SNTA1: variants seen among roughly 807,000 people sequenced by gnomAD.
SNTA1 encodes the protein alpha-1-syntrophin.
A neutral mutation model predicts 47.1 loss-of-function variants in SNTA1; 31 were observed. That is an observed-to-expected ratio of 0.66 (90% CI 0.49 to 0.89). SNTA1 has a LOEUF of 0.89. SNTA1 is among the 40% of genes least tolerant of loss of function. The pLI is 0.00. For missense variants in SNTA1, 575 were observed against 693.0 expected, an observed-to-expected ratio of 0.83 and a Z score of 1.91; for synonymous variants, 300 against 313.6, an observed-to-expected ratio of 0.96 and a Z score of 0.46.
In SNTA1 at chr20:33,443,713, G is replaced by C; in HGVS notation, c.-93C>G. The C allele has an allele frequency of 1.3e-6, 1 of 783,262 alleles. No individual in the cohort carries two copies. The highest frequency in any genetic ancestry group is 1.6e-6 in the Non-Finnish European group (1 of 613,614). 48.5% of individuals were successfully genotyped at this position (783,262 alleles called of 1,614,324 possible). On this transcript the variant is annotated 5_prime_UTR_variant, in exon 1 of 8. Coordinates refer to ENST00000217381, the MANE Select transcript of SNTA1 (RefSeq NM_003098.3). ...GCGCCCAGGGCAGAGGGCAGCGGGG[G>C]CCCGGCTGGGCCAGCCGCCACCCTA... is the stretch of plus-strand genomic sequence containing the variant.
chr20:33,409,756 G>A (rs899123775), intron 6 of SNTA1, among the ~76,000 whole-genome samples: 8 of 151,598 alleles, frequency 5.3e-5, no homozygotes, highest in South Asian at 2.1e-4. Flanking sequence ...TCAGCCTCCC[G>A]AGTAGCTAGG....
chr20:33,442,286 C>T lies in SNTA1; in HGVS notation c.310+1025G>A, dbSNP rs374018670. 1.1e-4 allele frequency among the ~76,000 whole-genome samples: 16 copies of T among 152,226 alleles called. No homozygotes were observed. In the East Asian group the frequency reaches 1.5e-3, roughly 15 times the overall value. ...GGTCTGGAGGCACTAGTCAACAGAA[C>T]CAGTACCAGGGAGACCCCAGAGGGT... On this transcript the variant is annotated intron_variant, in intron 1 of 7. Transcript: ENST00000217381.
intron 6 of SNTA1, 103 bp downstream of exon 6, chr20:33,410,032 A>G: frequency 2.4e-6 from 3 of 1,261,364 alleles, no homozygotes; most frequent in South Asian, 2.5e-5. Flanking sequence ...TCCAAACCCC[A>G]TTTTCTATCC....
intron 2 of SNTA1, 86 bp downstream of exon 2, chr20:33,438,755 T>TG (rs1990503964): frequency 1.8e-6 from 2 of 1,132,150 alleles, no homozygotes; most frequent in East Asian, 4.7e-5. Context: ...AGTGCTGGGA[T>TG]GGGGCCTTCT....
intron 2 of SNTA1, among the ~76,000 whole-genome samples, chr20:33,425,482 G>A (rs773049453): frequency 4.6e-5 from 7 of 151,862 alleles, no homozygotes; most frequent in East Asian, 2.0e-4. Flanking sequence ...GCAACATAGC[G>A]AAACCCCATC....
In SNTA1 at chr20:33,417,843, A is replaced by G. The variant is rs1212907907; in HGVS notation, c.577T>C (p.Ser193Pro). 1.9e-6 allele frequency: 3 copies of G among 1,613,776 alleles called. No individual in the cohort carries two copies. Among genetic ancestry groups the G allele is most frequent in the Non-Finnish European group, 2.5e-6 (3 of 1,179,828 alleles). The change falls in exon 3 of 8, where the codon TCA becomes CCA. Residue 193 changes from serine (S) to proline (P), a missense_variant. Physicochemically the swap from Ser to Pro is moderately conservative, Grantham distance 74. Coordinates refer to ENST00000217381, the MANE Select transcript of SNTA1 (RefSeq NM_003098.3). The part of the protein sequence containing the change: ...TSVGWDSPPA[S>P]PLQRQPSSPG... ...GAGGAAGGCTGCCGCTGAAGGGGTGAGGCAGGAGGTGAGTCCCAGCCGACC... is the reference window on the plus strand; with the variant it reads ...GAGGAAGGCTGCCGCTGAAGGGGTGGGGCAGGAGGTGAGTCCCAGCCGACC...
intron 2 of SNTA1, among the ~76,000 whole-genome samples, chr20:33,433,854 T>C (rs1029527315): frequency 1.3e-5 from 2 of 152,108 alleles, no homozygotes; most frequent in African/African-American, 2.4e-5. Context: ...CCTGACCTAG[T>C]AGAAGAAATG....
intron 2 of SNTA1, among the ~76,000 whole-genome samples, chr20:33,433,441 A>G (rs550610220): frequency 6.6e-6 from 1 of 150,846 alleles, no homozygotes; most frequent in East Asian, 2.0e-4. Context: ...ATTTTTGTAT[A>G]TTATTAGTAG....
At chr20:33,438,436 C>A (rs967177980) in intron 2 of SNTA1, among the ~76,000 whole-genome samples, 1 of 152,168 alleles carries the variant, frequency 6.6e-6, no homozygotes, top group African/African-American at 2.4e-5. Flanking sequence ...TGACCTGCCC[C>A]TTCCCCAGTC....
intron 4 of SNTA1, 64 bp from the exon 5 acceptor site, chr20:33,412,490 G>A: frequency 6.2e-7 from 1 of 1,603,964 alleles, no homozygotes; most frequent in Non-Finnish European, 8.5e-7. Context: ...CCAGGGCAGG[G>A]TGAGGTGGCC....
chr20:33,435,147 T>C (rs1031817154), intron 2 of SNTA1, among the ~76,000 whole-genome samples: 17 of 150,662 alleles, frequency 1.1e-4, no homozygotes, highest in Admixed American at 6.6e-5. Flanking sequence ...CGCGCCACCA[T>C]GGCTCAGCTA....
intron 2 of SNTA1, among the ~76,000 whole-genome samples, chr20:33,427,804 A>G (rs1213614462): frequency 6.6e-6 from 1 of 152,066 alleles, no homozygotes; most frequent in Non-Finnish European, 1.5e-5. Flanking sequence ...ACTGGCAGAC[A>G]CTCACTACTC....
intron 5 of SNTA1, among the ~76,000 whole-genome samples, 185 bp from the exon 6 acceptor site, chr20:33,410,516 C>T (rs1375310449): frequency 6.6e-6 from 1 of 152,372 alleles, no homozygotes; most frequent in South Asian, 2.1e-4. Context: ...CCGTCACTCC[C>T]TTGGCTCTGG....
At chr20:33,428,407 T>G (rs768703509) in intron 2 of SNTA1, among the ~76,000 whole-genome samples, 8 of 151,590 alleles carry the variant, frequency 5.3e-5, no homozygotes, top group Non-Finnish European at 7.4e-5. Flanking sequence ...AGACACTGTC[T>G]CAAAAAAATT....
At chr20:33,417,095 G>A (rs1047855763) in intron 3 of SNTA1, among the ~76,000 whole-genome samples, 2 of 151,980 alleles carry the variant, frequency 1.3e-5, no homozygotes, top group Admixed American at 6.6e-5. Flanking sequence ...CAGCCTGGGC[G>A]ACAGAGCAAA....
rs1054327750 is a variant in SNTA1 at position 33,443,674 on chromosome 20, C to T, written c.-54G>A. On this transcript the variant is annotated 5_prime_UTR_variant, in exon 1 of 8. Coordinates refer to ENST00000217381, the MANE Select transcript of SNTA1 (RefSeq NM_003098.3). ...GCTCGCCCTGTCCCGCTTTGCCCAG[C>T]CCGCTCCGACCAAGCGCCCAGGGCA... 9 of 1,094,396 alleles carry T rather than the reference C, an allele frequency of 8.2e-6. No homozygotes were observed. The highest frequency in any genetic ancestry group is 3.8e-4 in the Middle Eastern group (1 of 2,618). 67.8% of individuals were successfully genotyped at this position (1,094,396 alleles called of 1,614,324 possible). A position where few individuals can be genotyped will look rare whatever the true frequency, so the allele number is the denominator to read the frequency against.
chr20:33,410,854 T>C (rs186144376), intron 5 of SNTA1, among the ~76,000 whole-genome samples: 76 of 152,318 alleles, frequency 5.0e-4, no homozygotes, highest in African/African-American at 1.7e-3. Flanking sequence ...CACCACTGTA[T>C]TCCCAGTAAC....
chr20:33,410,856 C>T (rs1205424733), intron 5 of SNTA1, among the ~76,000 whole-genome samples: 1 of 152,178 alleles, frequency 6.6e-6, no homozygotes, highest in Non-Finnish European at 1.5e-5. Context: ...CCACTGTATT[C>T]CCAGTAACTA....
At position 33,443,450 on chromosome 20, in the gene SNTA1, C is replaced by G; in HGVS notation, c.171G>C (p.Arg57=). Reference sequence around the variant, plus strand: ...CGTTGAGCTGCGCGGGCTCCTGCTCCCGCGGAGCGCCGGGCTCGGGACCAG... The same window carrying G: ...CGTTGAGCTGCGCGGGCTCCTGCTCGCGCGGAGCGCCGGGCTCGGGACCAG... ...GDPGPEPGAP[R]EQEPAQLNGA... The change falls in exon 1 of 8, where the codon CGG becomes CGC. Residue 57 remains arginine (R), a synonymous_variant. Coordinates refer to ENST00000217381, the MANE Select transcript of SNTA1 (RefSeq NM_003098.3). The G allele has an allele frequency of 7.3e-7, 1 of 1,362,488 alleles. No homozygotes were observed. The highest frequency in any genetic ancestry group is 9.5e-7 in the Non-Finnish European group (1 of 1,055,964). 84.4% of individuals were successfully genotyped at this position (1,362,488 alleles called of 1,614,324 possible).
Sources: gnomAD v4.1 joint callset for allele counts (sites outside exome capture counted in the v4.1 genomes callset) on GRCh38, gnomAD v4.1.1 for gene constraint, MANE v1.5 for transcripts, NCBI Gene and HGNC (gene_info 2026-07-23, HGNC 2026-07-21) for gene names.